The following KHDRBS2 variants were observed in gnomAD, a reference collection of about 807,000 sequenced individuals.
KHDRBS2 encodes KH RNA binding domain containing, signal transduction associated 2, also known as KH domain-containing, RNA-binding, signal transduction-associated protein 2.
In KHDRBS2, 26 loss-of-function variants were observed where a neutral mutation model predicts 44.3. The observed-to-expected ratio is 0.59, with a 90% CI of 0.43 to 0.81. The LOEUF is 0.81. Ranked by LOEUF, KHDRBS2 falls within the 40% of genes least tolerant of loss-of-function variation. The probability of loss-of-function intolerance (pLI) is 0.00; values close to 1 mark genes in which losing one functional copy is unlikely to be tolerated. For missense variants in KHDRBS2, 476 were observed against 433.1 expected (o/e 1.10, Z -0.88); for synonymous variants, 194 against 151.1 (o/e 1.28, Z -2.08).
intron 1 of KHDRBS2, among the ~76,000 whole-genome samples, chr6:62,284,558 T>TG (rs1465681783): frequency 6.6e-6 from 1 of 152,120 alleles, no homozygotes; most frequent in African/African-American, 2.4e-5. Flanking sequence ...TTATATTTTT[T>TG]TTCATTCAGT....
chr6:62,240,149 T>C (rs554608988), intron 1 of KHDRBS2, among the ~76,000 whole-genome samples: 2 of 152,302 alleles, frequency 1.3e-5, no homozygotes, highest in Admixed American at 6.5e-5. Flanking sequence ...TGAACCATCA[T>C]TGATACATTA....
chr6:62,227,985 G>T (rs553325727), intron 1 of KHDRBS2, among the ~76,000 whole-genome samples: 12 of 152,040 alleles, frequency 7.9e-5, no homozygotes, highest in South Asian at 2.1e-4. Context: ...GAAATTTTTT[G>T]TTGTTGTTGT....
At chr6:62,151,495 G>T (rs1815176610) in intron 2 of KHDRBS2, among the ~76,000 whole-genome samples, 1 of 152,074 alleles carries the variant, frequency 6.6e-6, no homozygotes, top group Non-Finnish European at 1.5e-5. Flanking sequence ...TCTTTAAAAT[G>T]TATCTTAAGT....
chr6:61,662,823 A>C, the KHDRBS2 span, among the ~76,000 whole-genome samples: 1 of 151,818 alleles, frequency 6.6e-6, no homozygotes, highest in African/African-American at 2.4e-5. Flanking sequence ...TAGTTCAACC[A>C]TTGTGGAAGT....
chr6:61,695,153 A>G (rs1055106890), intron 8 of KHDRBS2, among the ~76,000 whole-genome samples: 3 of 152,050 alleles, frequency 2.0e-5, no homozygotes, highest in African/African-American at 7.2e-5. Flanking sequence ...CTTTAAACAA[A>G]CTCAGGTTTA....
chr6:62,101,179 A>T (rs1169890090), intron 2 of KHDRBS2, among the ~76,000 whole-genome samples: 1 of 152,168 alleles, frequency 6.6e-6, no homozygotes, highest in Admixed American at 6.5e-5. Context: ...GGCTTGCACA[A>T]TCAAAATCTC....
chr6:62,112,656 C>T (rs1195260548), intron 2 of KHDRBS2, among the ~76,000 whole-genome samples: 1 of 152,016 alleles, frequency 6.6e-6, no homozygotes, highest in African/African-American at 2.4e-5. Context: ...AGAGTGGTAG[C>T]AAAATCTATT....
chr6:61,640,258 T>C, the KHDRBS2 span, among the ~76,000 whole-genome samples: 1 of 152,148 alleles, frequency 6.6e-6, no homozygotes, highest in Non-Finnish European at 1.5e-5. Context: ...GTACATGGTA[T>C]ACATTATACT....
intron 7 of KHDRBS2, among the ~76,000 whole-genome samples, chr6:61,712,287 G>A (rs1416049299): frequency 2.0e-5 from 3 of 151,994 alleles, no homozygotes; most frequent in African/African-American, 7.2e-5. Flanking sequence ...GTAGGGAGGG[G>A]TGAAGAACTG....
intron 6 of KHDRBS2, among the ~76,000 whole-genome samples, chr6:61,749,038 A>C (rs1474323068): frequency 9.7e-6 from 1 of 102,924 alleles, no homozygotes; most frequent in Admixed American, 1.5e-4. Flanking sequence ...TTTGAGACGG[A>C]GTCTCACTCT....
chr6:61,763,118 T>G (rs1053505405), intron 6 of KHDRBS2, among the ~76,000 whole-genome samples: 1 of 152,178 alleles, frequency 6.6e-6, no homozygotes, highest in Non-Finnish European at 1.5e-5. Context: ...ATATGTGATC[T>G]CAGTTAGAAC....
intron 6 of KHDRBS2, among the ~76,000 whole-genome samples, chr6:61,749,188 T>C (rs1777304083): frequency 6.6e-6 from 1 of 151,818 alleles, no homozygotes; most frequent in African/African-American, 2.4e-5. Flanking sequence ...AATTTTTTTG[T>C]ATTTTTAGTA....
rs146017372 is a variant in KHDRBS2, at chr6:62,020,919, C to A, written c.336+26959G>T. 4.4e-3 allele frequency among the ~76,000 whole-genome samples: 675 copies of A among 152,110 alleles called. 7 individuals are homozygous for A. The highest frequency in any genetic ancestry group is 0.015 in the African/African-American group (639 of 41,556). ...AATACAAACCGTTGTATCATAAAGA[C>A]AAATGCATGCATATGTGCATTGCAG... On this transcript the variant is annotated intron_variant, in intron 3 of 8. Coordinates refer to ENST00000281156, the MANE Select transcript of KHDRBS2 (RefSeq NM_152688.4).
chr6:61,575,147 G>A, the KHDRBS2 span, among the ~76,000 whole-genome samples: 70 of 152,250 alleles, frequency 4.6e-4, no homozygotes, highest in Non-Finnish European at 8.2e-4. Context: ...TCTGCACAGA[G>A]AAAGAAATAA....
At chr6:61,712,946 T>A (rs1171872817) in intron 7 of KHDRBS2, among the ~76,000 whole-genome samples, 1 of 151,718 alleles carries the variant, frequency 6.6e-6, no homozygotes, top group Non-Finnish European at 1.5e-5. Context: ...AACCAAAAGT[T>A]TCTTCTTAAA....
At chr6:62,020,936 G>A (rs1291001679) in intron 3 of KHDRBS2, among the ~76,000 whole-genome samples, 1 of 151,892 alleles carries the variant, frequency 6.6e-6, no homozygotes, top group Non-Finnish European at 1.5e-5. Context: ...ATGCATATGT[G>A]CATTGCAGCA....
chr6:61,955,641 CGTAT>C (rs1357760400), intron 4 of KHDRBS2, among the ~76,000 whole-genome samples: 16 of 143,356 alleles, frequency 1.1e-4, no homozygotes, highest in South Asian at 4.4e-4. Context: ...TGTATATACA[CGTAT>C]GTATGTATGC....
intron 4 of KHDRBS2, among the ~76,000 whole-genome samples, chr6:61,972,797 G>T (rs1771702033): frequency 6.6e-6 from 1 of 152,092 alleles, no homozygotes; most frequent in Non-Finnish European, 1.5e-5. Flanking sequence ...AGTTACTTTT[G>T]CTGGCTGGTG....
chr6:61,646,933 T>C, the KHDRBS2 span, among the ~76,000 whole-genome samples: 1 of 151,952 alleles, frequency 6.6e-6, no homozygotes, highest in South Asian at 2.1e-4. Flanking sequence ...AATTCTCCCT[T>C]CTCAGCTTCC....
Sources: gnomAD v4.1 joint callset for allele counts (sites outside exome capture counted in the v4.1 genomes callset) on GRCh38, gnomAD v4.1.1 for gene constraint, MANE v1.5 for transcripts, NCBI Gene and HGNC (gene_info 2026-07-23, HGNC 2026-07-21) for gene names.